NEGR1: variants seen among roughly 807,000 people sequenced by gnomAD.
NEGR1 encodes IgLON family member 4.
In NEGR1, 10 loss-of-function variants were observed where a neutral mutation model predicts 40.9. The observed-to-expected ratio is 0.24, with a 90% confidence interval of 0.15 to 0.42. The LOEUF (loss-of-function observed/expected upper bound fraction) is 0.42. Ranked by LOEUF, NEGR1 falls within the 10% of genes least tolerant of loss-of-function variation. The probability of loss-of-function intolerance (pLI) is 1.00; values close to 1 mark genes in which losing one functional copy is unlikely to be tolerated. For synonymous variants in NEGR1, 185 were observed against 166.8 expected (o/e 1.11, Z -0.84); for missense variants, 352 against 438.9 (o/e 0.80, Z 1.77).
chr1:72,051,367 T>C (rs1001959794), intron 1 of NEGR1, among the ~76,000 whole-genome samples: 2 of 151,494 alleles, frequency 1.3e-5, no homozygotes, highest in African/African-American at 4.8e-5. Flanking sequence ...GCATACATTG[T>C]GAAGCAAAAA....
At chr1:71,574,710 A>G (rs1648907466) in intron 6 of NEGR1, among the ~76,000 whole-genome samples, 1 of 152,178 alleles carries the variant, frequency 6.6e-6, no homozygotes, top group Admixed American at 6.5e-5. Flanking sequence ...TTTATGTTCT[A>G]TTTTAGCCCA....
chr1:72,178,184 T>C (rs1652243491), intron 1 of NEGR1, among the ~76,000 whole-genome samples: 1 of 152,068 alleles, frequency 6.6e-6, no homozygotes. Flanking sequence ...AGGAACAATC[T>C]GTCATGTTTA....
At chr1:71,722,584 C>T (rs967210519) in intron 3 of NEGR1, among the ~76,000 whole-genome samples, 1 of 151,926 alleles carries the variant, frequency 6.6e-6, no homozygotes, top group African/African-American at 2.4e-5. Context: ...AATAAATAGC[C>T]GTTGAATTTA....
At chr1:72,003,436 G>C (rs373656146) in intron 1 of NEGR1, among the ~76,000 whole-genome samples, 2 of 151,994 alleles carry the variant, frequency 1.3e-5, no homozygotes, top group African/African-American at 4.8e-5. Context: ...GAAAATATTG[G>C]TGGAAAAGGA....
intron 2 of NEGR1, among the ~76,000 whole-genome samples, chr1:71,928,399 T>TATATATACACAC (rs1553122242): frequency 7.5e-6 from 1 of 133,500 alleles, no homozygotes; most frequent in African/African-American, 2.8e-5. Context: ...CACATATGTA[T>TATATATACACAC]ATATGTGTAT....
chr1:71,480,022 T>A (rs561051879), intron 6 of NEGR1, among the ~76,000 whole-genome samples: 48 of 152,054 alleles, frequency 3.2e-4, no homozygotes, highest in African/African-American at 1.2e-3. Context: ...TTTTAAGGCT[T>A]TTGAAGCAGT....
chr1:71,890,070 C>T (rs1265526932), intron 2 of NEGR1, among the ~76,000 whole-genome samples: 1 of 124,976 alleles, frequency 8.0e-6, no homozygotes, highest in South Asian at 3.0e-4. Flanking sequence ...GAAGGAAGTG[C>T]TAAACATGGA....
At chr1:72,079,346 T>C (rs1647889062) in intron 1 of NEGR1, among the ~76,000 whole-genome samples, 1 of 151,866 alleles carries the variant, frequency 6.6e-6, no homozygotes, top group Non-Finnish European at 1.5e-5. Flanking sequence ...CTCACCTAAT[T>C]AGTATGCCAG....
intron 1 of NEGR1, among the ~76,000 whole-genome samples, chr1:72,050,715 A>T (rs148284196): frequency 6.6e-6 from 1 of 151,534 alleles, no homozygotes; most frequent in East Asian, 1.9e-4. Context: ...CACTGAATAA[A>T]CTTGACTGTG....
At chr1:71,928,722 A>C (rs1000979246) in intron 2 of NEGR1, among the ~76,000 whole-genome samples, 1 of 151,984 alleles carries the variant, frequency 6.6e-6, no homozygotes, top group Non-Finnish European at 1.5e-5. Context: ...ATAGAAATAG[A>C]AAAATGCAAT....
At chr1:71,903,040 A>G (rs901141053) in intron 2 of NEGR1, among the ~76,000 whole-genome samples, 1 of 137,590 alleles carries the variant, frequency 7.3e-6, no homozygotes, top group African/African-American at 2.7e-5. Context: ...TTTTAAATCT[A>G]TAAAATTCAG....
Position 71,401,342 on chromosome 1 carries a change from T to C in NEGR1, c.*6104A>G, listed in dbSNP as rs202157522. On this transcript the variant is annotated 3_prime_UTR_variant, in exon 7 of 7. Coordinates refer to ENST00000357731, the MANE Select transcript of NEGR1 (RefSeq NM_173808.3). ...AAGGTTTTTGATCTATAAATGTGTA[T>C]GTTCTTTAAATTATCCTTTTATCTG... 1.3e-5 allele frequency: 2 copies of C among 152,346 alleles called. No individual in the cohort carries two copies. The highest frequency in any genetic ancestry group is 3.9e-4 in the East Asian group (2 of 5,190). 9.4% of individuals were successfully genotyped at this position (152,346 alleles called of 1,614,324 possible).
chr1:71,946,855 T>G (rs1646024373), intron 1 of NEGR1, among the ~76,000 whole-genome samples: 2 of 151,956 alleles, frequency 1.3e-5, no homozygotes, highest in African/African-American at 4.8e-5. Flanking sequence ...TTTGGAAGGC[T>G]GAGCTTGAGC....
At chr1:71,878,592 A>T (rs1363324575) in intron 2 of NEGR1, among the ~76,000 whole-genome samples, 1 of 152,240 alleles carries the variant, frequency 6.6e-6, no homozygotes, top group Non-Finnish European at 1.5e-5. Flanking sequence ...TGTATTTGTC[A>T]CCATTATGAA....
rs1646257476 is a variant in NEGR1 at position 71,403,256 on chromosome 1, C to G, written c.*4190G>C. ...CAAATAACGTGTTTTGCTTGGAAAC[C>G]AAGGTATTTTTAAGGAAATTGTATC... On this transcript the variant is annotated 3_prime_UTR_variant, in exon 7 of 7. Transcript: ENST00000357731. 1 of 151,942 alleles carries G rather than the reference C, an allele frequency of 6.6e-6. No individual in the cohort carries two copies. Among genetic ancestry groups the G allele is most frequent in the Admixed American group, 6.6e-5 (1 of 15,230 alleles). The allele number at this position is 151,942 out of a possible 1,614,324, so 9.4% of individuals were successfully genotyped here. A position where few individuals can be genotyped will look rare whatever the true frequency, so the allele number is the denominator to read the frequency against.
At chr1:72,257,309 G>T (rs565087912) in intron 1 of NEGR1, among the ~76,000 whole-genome samples, 1 of 120,784 alleles carries the variant, frequency 8.3e-6, no homozygotes, top group African/African-American at 3.5e-5. Context: ...GCGACAGAGC[G>T]AGACTCTGTC....
In NEGR1 at chr1:71,711,435, A is replaced by G. The variant is rs115947088; in HGVS notation, c.536-13296T>C. Among the ~76,000 whole-genome samples the G allele has an allele frequency of 5.0e-3, 748 of 148,294 alleles. 11 individuals carry two copies. The highest frequency in any genetic ancestry group is 0.017 in the African/African-American group (691 of 40,408). On this transcript the variant is annotated intron_variant, in intron 3 of 6. Transcript: ENST00000357731. ...CATAATTAGTCATTAGGAAAATTCA[A>G]TGCAAATTCAGGAAGACATTCCACT... is the stretch of plus-strand genomic sequence containing the variant.
chr1:71,576,811 T>C (rs547591147), intron 6 of NEGR1, among the ~76,000 whole-genome samples: 1 of 152,320 alleles, frequency 6.6e-6, no homozygotes, highest in African/African-American at 2.4e-5. Flanking sequence ...TCCTTCCCTC[T>C]TTTCTTCTTC....
chr1:71,684,253 A>G (rs1652945150), intron 4 of NEGR1, among the ~76,000 whole-genome samples: 2 of 152,136 alleles, frequency 1.3e-5, no homozygotes, highest in Non-Finnish European at 2.9e-5. Context: ...CCTGAGTGAC[A>G]CAGCAAGACT....
Sources: allele counts gnomAD v4.1 joint callset (sites outside exome capture counted in the v4.1 genomes callset), GRCh38; gene constraint gnomAD v4.1.1; transcripts MANE v1.5; gene names NCBI Gene and HGNC (gene_info 2026-07-23, HGNC 2026-07-21).